The following CPQ variants were observed in gnomAD, a reference collection of about 807,000 sequenced individuals.
The protein encoded by CPQ is Ser-Met dipeptidase.
Under a neutral mutation model 45.7 loss-of-function variants are expected in CPQ, and 37 were observed. The observed-to-expected ratio is 0.81, with a 90% CI of 0.62 to 1.07. The LOEUF is 1.07. CPQ is among the 50% of genes least tolerant of loss of function. CPQ has a pLI of 0.00. For missense variants in CPQ, 537 were observed against 572.9 expected, an observed-to-expected ratio of 0.94 and a Z score of 0.64; for synonymous variants, 186 against 205.8, an observed-to-expected ratio of 0.90 and a Z score of 0.82.
Position 96,788,285 on chromosome 8 carries a change from A to G in CPQ, c.433+2955A>G, listed in dbSNP as rs539769606. 1.5e-3 allele frequency among the ~76,000 whole-genome samples: 223 copies of G among 151,622 alleles called. 1 individual carries two copies. The highest frequency in any genetic ancestry group is 2.5e-3 in the Non-Finnish European group (172 of 67,890). ...GTGATTCTCCTGCCTCAGCCTCCCA[A>G]GTAGCTGGGATTACAGGTGCACACC... On this transcript the variant is annotated intron_variant, in intron 2 of 7. Coordinates refer to ENST00000220763, the MANE Select transcript of CPQ (RefSeq NM_016134.4).
chr8:97,057,638 C>G (rs1447126254), intron 6 of CPQ, among the ~76,000 whole-genome samples: 3 of 152,150 alleles, frequency 2.0e-5, no homozygotes, highest in Non-Finnish European at 2.9e-5. Flanking sequence ...TGTTCACCTA[C>G]TATGTGCTTA....
intron 7 of CPQ, among the ~76,000 whole-genome samples, chr8:97,097,385 C>A (rs1811226232): frequency 6.6e-6 from 1 of 151,960 alleles, no homozygotes; most frequent in Admixed American, 6.6e-5. Flanking sequence ...TTTTTTGATG[C>A]CTTACATATG....
At chr8:97,124,225 C>CAAAAAAA (rs34933920) in intron 7 of CPQ, among the ~76,000 whole-genome samples, 2 of 42,564 alleles carry the variant, frequency 4.7e-5, no homozygotes, top group African/African-American at 8.6e-5. Flanking sequence ...GACTCCGTCT[C>CAAAAAAA]AAAAAAAAAA....
At chr8:96,974,016 T>C (rs964794185) in intron 5 of CPQ, among the ~76,000 whole-genome samples, 28 of 152,180 alleles carry the variant, frequency 1.8e-4, no homozygotes, top group Admixed American at 5.2e-4. Flanking sequence ...GTACCTCACA[T>C]GTCAATACTA....
rs139225402 is a variant in CPQ, at chr8:97,107,972, TAAG to T, written c.1256-35044_1256-35042del. Among the ~76,000 whole-genome samples the T allele has an allele frequency of 6.5e-3, 991 of 152,084 alleles. 6 individuals carry two copies. The highest frequency in any genetic ancestry group is 0.014 in the Middle Eastern group (4 of 294). On this transcript the variant is annotated intron_variant, in intron 7 of 7. Transcript: ENST00000220763. ...TGAACAGTTCCTCTACAGCAGCAAA[TAAG>T]AAGGCAGAGCATGTGGATGCTGATG...
chr8:96,742,201 G>T (rs913281557), intron 1 of CPQ, among the ~76,000 whole-genome samples: 1 of 151,984 alleles, frequency 6.6e-6, no homozygotes, highest in African/African-American at 2.4e-5. Context: ...AGCTCTTCTT[G>T]TTGAATTGAT....
intron 3 of CPQ, among the ~76,000 whole-genome samples, chr8:96,864,671 AGAG>A (rs1811973578): frequency 2.0e-5 from 3 of 152,114 alleles, no homozygotes; most frequent in Admixed American, 6.5e-5. Flanking sequence ...CAAACCTAAA[AGAG>A]TGCCTCAATC....
chr8:96,847,687 T>C (rs571244600), intron 3 of CPQ, among the ~76,000 whole-genome samples: 5 of 152,238 alleles, frequency 3.3e-5, no homozygotes, highest in Admixed American at 1.3e-4. Context: ...AATCCTGAAG[T>C]TATTTTTAGT....
chr8:96,979,144 AG>A (rs1471057904), intron 5 of CPQ, among the ~76,000 whole-genome samples: 4 of 145,566 alleles, frequency 2.7e-5, no homozygotes, highest in Admixed American at 2.0e-4. Context: ...GTGAGTGAGG[AG>A]GGGGTGGGAA....
chr8:96,739,825 C>G (rs1810055325), intron 1 of CPQ, among the ~76,000 whole-genome samples: 1 of 150,848 alleles, frequency 6.6e-6, no homozygotes, highest in Non-Finnish European at 1.5e-5. Flanking sequence ...ATCTATATCT[C>G]TGTTTTGGTA....
At chr8:96,952,625 G>A (rs1188545529) in intron 4 of CPQ, among the ~76,000 whole-genome samples, 1 of 151,966 alleles carries the variant, frequency 6.6e-6, no homozygotes, top group African/African-American at 2.4e-5. Flanking sequence ...ATTATAAGGG[G>A]TATAGCAATC....
chr8:96,723,889 A>C (rs1279632830), intron 1 of CPQ, among the ~76,000 whole-genome samples: 2 of 152,110 alleles, frequency 1.3e-5, no homozygotes, highest in Non-Finnish European at 2.9e-5. Context: ...ACCAATTTAC[A>C]TCAAACTAGA....
At chr8:97,009,307 A>G (rs982688988) in intron 5 of CPQ, among the ~76,000 whole-genome samples, 14 of 152,116 alleles carry the variant, frequency 9.2e-5, no homozygotes, top group Admixed American at 1.3e-4. Context: ...CTTTAATTCT[A>G]TGCTTGACCA....
At chr8:96,719,418 G>A (rs1809732745) in intron 1 of CPQ, among the ~76,000 whole-genome samples, 1 of 152,212 alleles carries the variant, frequency 6.6e-6, no homozygotes, top group Non-Finnish European at 1.5e-5. Flanking sequence ...CGGAACTCCA[G>A]CTGTTCCGCA....
intron 3 of CPQ, among the ~76,000 whole-genome samples, chr8:96,839,426 G>C (rs1337537819): frequency 6.6e-6 from 1 of 151,990 alleles, no homozygotes; most frequent in Non-Finnish European, 1.5e-5. Flanking sequence ...ATTATCAACT[G>C]AGACCCCCCC....
chr8:97,122,922 TAAAATAAATAAAATAAAATAAAATA>T (rs1811737821), intron 7 of CPQ, among the ~76,000 whole-genome samples: 1 of 52,774 alleles, frequency 1.9e-5, no homozygotes, highest in Non-Finnish European at 3.0e-5. Context: ...TAAAATAAAA[TAAAATAAATAAAATAAAATAAAATA>T]AAATAAAATA....
intron 1 of CPQ, among the ~76,000 whole-genome samples, chr8:96,775,436 G>A (rs889684852): frequency 1.3e-5 from 2 of 152,140 alleles, no homozygotes; most frequent in African/African-American, 4.8e-5. Context: ...TCAGATTCTT[G>A]CACGGTGAAT....
intron 6 of CPQ, among the ~76,000 whole-genome samples, chr8:97,053,679 G>C (rs1810402358): frequency 6.6e-6 from 1 of 152,182 alleles, no homozygotes; most frequent in Non-Finnish European, 1.5e-5. Flanking sequence ...TCTGAGTGAG[G>C]TTGGAACTAT....
chr8:96,677,940 T>G (rs2130726118), intron 1 of CPQ, among the ~76,000 whole-genome samples: 1 of 152,214 alleles, frequency 6.6e-6, no homozygotes, highest in East Asian at 1.9e-4. Context: ...CTTTCCTCAA[T>G]TTATGTTTTT....
Sources: gnomAD v4.1 joint callset for allele counts (sites outside exome capture counted in the v4.1 genomes callset) on GRCh38, gnomAD v4.1.1 for gene constraint, MANE v1.5 for transcripts, NCBI Gene and HGNC (gene_info 2026-07-23, HGNC 2026-07-21) for gene names.